Variants in SGSM1 observed in about 807,000 individuals in gnomAD.
The protein encoded by SGSM1 is RUN and TBC1 domain containing 2.
In SGSM1, 73 loss-of-function variants were observed where a neutral mutation model predicts 133.8. The observed-to-expected ratio is 0.55, with a 90% CI of 0.45 to 0.66. The LOEUF (loss-of-function observed/expected upper bound fraction) is 0.66. SGSM1 is among the 30% of genes least tolerant of loss of function. The pLI, the probability that SGSM1 is intolerant of heterozygous loss-of-function variation, is 0.00. For synonymous variants in SGSM1, 563 were observed against 573.0 expected (o/e 0.98, Z 0.25); for missense variants, 1,213 against 1,448.1 (o/e 0.84, Z 2.64).
chr22:24,858,272 G>T (rs955879360), intron 8 of SGSM1, among the ~76,000 whole-genome samples: 1 of 152,140 alleles, frequency 6.6e-6, no homozygotes, highest in African/African-American at 2.4e-5. Context: ...GAGCCACTGC[G>T]CCCAGCCTGT....
intron 14 of SGSM1, among the ~76,000 whole-genome samples, chr22:24,882,733 A>G (rs1026146035): frequency 2.0e-5 from 3 of 152,088 alleles, no homozygotes; most frequent in African/African-American, 7.2e-5. Context: ...ACTTTTTTAG[A>G]TCCCATTATA....
At chr22:24,899,171 TTG>T (rs1011410515) in intron 19 of SGSM1, among the ~76,000 whole-genome samples, 1 of 152,172 alleles carries the variant, frequency 6.6e-6, no homozygotes, top group Non-Finnish European at 1.5e-5. Flanking sequence ...GTAAAAAAAT[TTG>T]TTTTTCCTAG....
At chr22:24,845,941 T>TTTCTTTCTTTC (rs1555924219) in intron 3 of SGSM1, among the ~76,000 whole-genome samples, 10 of 115,622 alleles carry the variant, frequency 8.6e-5, no homozygotes, top group African/African-American at 1.7e-4. Flanking sequence ...TTTTCTTTTC[T>TTTCTTTCTTTC]TTTCTTTCTT....
intron 9 of SGSM1, 29 bp downstream of exon 9, chr22:24,859,869 T>C (rs752681715): frequency 1.4e-5 from 23 of 1,611,924 alleles, no homozygotes; most frequent in Middle Eastern, 1.6e-4. Flanking sequence ...TACGTATCCC[T>C]TGGGTCCCTC....
chr22:24,874,532 G>A (rs563632035), intron 12 of SGSM1: 1 of 1,611,876 alleles, frequency 6.2e-7, no homozygotes, highest in Non-Finnish European at 8.5e-7. Flanking sequence ...GAGCCAGCCA[G>A]ATGGGACACT....
intron 20 of SGSM1, among the ~76,000 whole-genome samples, chr22:24,903,046 C>T (rs1053572694): frequency 2.0e-5 from 3 of 151,962 alleles, no homozygotes; most frequent in Non-Finnish European, 2.9e-5. Flanking sequence ...TGTCTCAAAA[C>T]AAAACAAAAA....
chr22:24,906,369 G>T (rs1933380699), intron 21 of SGSM1, among the ~76,000 whole-genome samples: 1 of 152,118 alleles, frequency 6.6e-6, no homozygotes. Flanking sequence ...GTCTATTTTT[G>T]CCGCCAAAGG....
intron 16 of SGSM1, among the ~76,000 whole-genome samples, chr22:24,892,170 G>T (rs898104064): frequency 3.9e-5 from 6 of 152,122 alleles, no homozygotes; most frequent in African/African-American, 1.4e-4. Context: ...GGAATTGGGA[G>T]GTGGGCAGGG....
Position 24,924,465 on chromosome 22 carries a change from A to G in SGSM1, c.*191A>G, listed in dbSNP as rs762363342. 8 of 575,744 alleles carry G rather than the reference A, an allele frequency of 1.4e-5. No individual in the cohort carries two copies. The highest frequency in any genetic ancestry group is 2.9e-5 in the East Asian group (1 of 34,948). The allele number at this position is 575,744 out of a possible 1,614,324, so 35.7% of individuals were successfully genotyped here. ...ATGGGGTGGAGGGAGTACCCCTTCA[A>G]TTCAGCCTTACATTTTCCTGTTTGA... On this transcript the variant is annotated 3_prime_UTR_variant, in exon 25 of 25. Transcript: ENST00000400358.
intron 2 of SGSM1, among the ~76,000 whole-genome samples, chr22:24,826,136 G>A (rs1344158020): frequency 6.6e-6 from 1 of 152,222 alleles, no homozygotes; most frequent in East Asian, 1.9e-4. Context: ...AAATAGGTTT[G>A]CCAGTTTTAG....
In SGSM1 at chr22:24,850,372, G is replaced by C. The variant is rs759247466; in HGVS notation, c.395G>C (p.Arg132Pro). 1 of 1,613,958 alleles carries C rather than the reference G, an allele frequency of 6.2e-7. No homozygotes were observed. Among genetic ancestry groups the C allele is most frequent in the Non-Finnish European group, 8.5e-7 (1 of 1,179,892 alleles). ...CTTGCCATCAAGCATCTGTGGATTC[G>C]CACAGCCTTGTTTGAGAAGGTCCTG... ...SPLAIKHLWI[R>P]TALFEKVLDK... Residue 132 changes from arginine (R) to proline (P), a missense_variant, in exon 5 of 25, where the codon CGC becomes CCC. By Grantham distance (103) the Arg-to-Pro change is moderately radical (BLOSUM62 -2). Coordinates refer to ENST00000400358, the MANE Select transcript of SGSM1 (RefSeq NM_001098497.3).
chr22:24,882,142 C>A (rs1932366901), intron 14 of SGSM1, among the ~76,000 whole-genome samples: 2 of 152,184 alleles, frequency 1.3e-5, no homozygotes, highest in African/African-American at 4.8e-5. Context: ...TTATGGTTCA[C>A]TGCACCCTCT....
chr22:24,893,364 G>A lies in SGSM1; in HGVS notation c.1771-67G>A, dbSNP rs955457444. The A allele has an allele frequency of 2.1e-5, 33 of 1,553,038 alleles. No individual in the cohort carries two copies. In the East Asian group the frequency reaches 2.5e-4, roughly 12 times the overall value. On this transcript the variant is annotated intron_variant, in intron 16 of 24. Transcript: ENST00000400358. Reference sequence around the variant, plus strand: ...ATGGATCAGAGCCACTCTCTTCCACGTTGGTCTGGCCCTCCCCAGGCGCCC... The same window carrying A: ...ATGGATCAGAGCCACTCTCTTCCACATTGGTCTGGCCCTCCCCAGGCGCCC...
Position 24,901,945 on chromosome 22 carries a change from A to G in SGSM1, c.2723A>G (p.Asn908Ser). ...CCCGCCAACTTGGAGAAGCTGCGTA[A>G]CATCATGTGCAGGTGGCTGGGGACA... ...FTPANLEKLRNIMCSYIWQHI... is the reference protein window; with the variant it reads ...FTPANLEKLRSIMCSYIWQHI... The change falls in exon 20 of 25, where the codon AAC becomes AGC. Residue 908 changes from asparagine (N) to serine (S), a missense_variant. By Grantham distance (46) the Asn-to-Ser change is conservative. Coordinates refer to ENST00000400358, the MANE Select transcript of SGSM1 (RefSeq NM_001098497.3). 6.4e-7 allele frequency: 1 copy of G among 1,560,214 alleles called. No individual in the cohort carries two copies. Among genetic ancestry groups the G allele is most frequent in the Non-Finnish European group, 8.7e-7 (1 of 1,152,828 alleles).
intron 2 of SGSM1, among the ~76,000 whole-genome samples, chr22:24,840,187 G>T (rs1929709989): frequency 6.6e-6 from 1 of 151,982 alleles, no homozygotes; most frequent in African/African-American, 2.4e-5. Flanking sequence ...CTCGTGATCT[G>T]CCTGCATCAG....
chr22:24,877,799 T>G (rs906325861), intron 13 of SGSM1, among the ~76,000 whole-genome samples: 5 of 131,414 alleles, frequency 3.8e-5, no homozygotes, highest in Non-Finnish European at 4.9e-5. Flanking sequence ...AGATTCTTTC[T>G]TTCTTTTTTT....
At chr22:24,855,212 G>A (rs1930694029) in intron 6 of SGSM1, 73 bp from the exon 7 acceptor site, 1 of 1,556,760 alleles carries the variant, frequency 6.4e-7, no homozygotes, top group Non-Finnish European at 8.7e-7. Context: ...AGTGAGATGG[G>A]CGGCCATCTG....
At chr22:24,810,660 G>T (rs1927681013) in intron 2 of SGSM1, among the ~76,000 whole-genome samples, 1 of 152,170 alleles carries the variant, frequency 6.6e-6, no homozygotes, top group South Asian at 2.1e-4. Flanking sequence ...AGAATGCAGG[G>T]GCTGGTGGGA....
At chr22:24,893,289 T>G in intron 16 of SGSM1, 142 bp from the exon 17 acceptor site, 6 of 799,510 alleles carry the variant, frequency 7.5e-6, no homozygotes, top group Non-Finnish European at 7.9e-6. Flanking sequence ...AGGCATAGCA[T>G]AGTAGGTGCT....
Sources: gnomAD v4.1 joint callset for allele counts (sites outside exome capture counted in the v4.1 genomes callset) on GRCh38, gnomAD v4.1.1 for gene constraint, MANE v1.5 for transcripts, NCBI Gene and HGNC (gene_info 2026-07-23, HGNC 2026-07-21) for gene names.